GTF2E2: variants seen among roughly 807,000 people sequenced by gnomAD.
The protein encoded by GTF2E2 is transcription initiation factor IIE subunit beta.
A neutral mutation model predicts 40.5 loss-of-function variants in GTF2E2; 21 were observed. The observed-to-expected ratio is 0.52, with a 90% CI of 0.37 to 0.75. GTF2E2 has a LOEUF of 0.75. Among genes scored for constraint, GTF2E2 ranks in the 30% least tolerant of loss-of-function variants. The pLI is 0.00. For missense variants in GTF2E2, 298 were observed against 338.4 expected (o/e 0.88, Z 0.94); for synonymous variants, 117 against 121.6 (o/e 0.96, Z 0.25).
At chr8:30,609,840 G>C (rs1053622397) in intron 5 of GTF2E2, among the ~76,000 whole-genome samples, 1 of 152,048 alleles carries the variant, frequency 6.6e-6, no homozygotes, top group African/African-American at 2.4e-5. Flanking sequence ...TCATTTAAAA[G>C]TGTGTGGCAC....
At chr8:30,591,437 T>A (rs943522168) in intron 6 of GTF2E2, among the ~76,000 whole-genome samples, 1 of 152,080 alleles carries the variant, frequency 6.6e-6, no homozygotes, top group Non-Finnish European at 1.5e-5. Context: ...TGAGTTATGA[T>A]AGCATCACTG....
intron 6 of GTF2E2, among the ~76,000 whole-genome samples, chr8:30,590,896 G>A (rs1828828828): frequency 1.3e-5 from 2 of 152,022 alleles, no homozygotes; most frequent in Admixed American, 6.6e-5. Context: ...TTGCCATGTT[G>A]GCCAAGCTGG....
chr8:30,653,136 G>C (rs1203982871), intron 2 of GTF2E2, among the ~76,000 whole-genome samples: 2 of 152,140 alleles, frequency 1.3e-5, no homozygotes, highest in African/African-American at 4.8e-5. Context: ...AATAACAGCT[G>C]CAAAATTCTG....
intron 6 of GTF2E2, among the ~76,000 whole-genome samples, chr8:30,582,064 A>G (rs1828529716): frequency 6.6e-6 from 1 of 152,196 alleles, no homozygotes; most frequent in African/African-American, 2.4e-5. Flanking sequence ...CAAACTGGAA[A>G]GCAGTGGCGC....
rs188922106 is a variant in GTF2E2 at position 30,628,484 on chromosome 8, G to C, written c.258+6548C>G. The stretch of plus-strand genomic sequence containing the variant: ...TGATTAGGTTAATAAATGTGAACTC[G>C]GAGGTATAGCAATTCTTTGCATGGG... On this transcript the variant is annotated intron_variant, in intron 3 of 7. Coordinates refer to ENST00000355904, the MANE Select transcript of GTF2E2 (RefSeq NM_002095.6). Among the ~76,000 whole-genome samples, 3 of 152,276 alleles carry C rather than the reference G, an allele frequency of 2.0e-5. No homozygotes were observed. In the East Asian group the frequency reaches 5.8e-4, roughly 29 times the overall value.
intron 3 of GTF2E2, among the ~76,000 whole-genome samples, chr8:30,618,292 G>A (rs996713512): frequency 2.6e-5 from 4 of 151,648 alleles, no homozygotes; most frequent in South Asian, 2.1e-4. Context: ...CTCGGGGGGC[G>A]GGGGGGAGTT....
At chr8:30,633,267 G>A (rs574505010) in intron 3 of GTF2E2, among the ~76,000 whole-genome samples, 3 of 151,644 alleles carry the variant, frequency 2.0e-5, no homozygotes, top group Non-Finnish European at 4.4e-5. Flanking sequence ...CATAACATTT[G>A]GATAAAATTC....
rs533926333 is a variant in GTF2E2, at chr8:30,614,712, G to T, written c.262C>A (p.Arg88=). ...LAKIVNYMKT[R]HQRGDTHPLT... Reference sequence around the variant, plus strand: ...GGATGCGTATCTCCTCGCTGATGCCGTGTCTATCAAGTGAAGAAATTGTTA... The same window carrying T: ...GGATGCGTATCTCCTCGCTGATGCCTTGTCTATCAAGTGAAGAAATTGTTA... Residue 88 remains arginine (R), a synonymous_variant, in exon 4 of 8, where the codon CGG becomes AGG. Coordinates refer to ENST00000355904, the MANE Select transcript of GTF2E2 (RefSeq NM_002095.6). The T allele has an allele frequency of 1.3e-6, 2 of 1,573,376 alleles. No individual in the cohort carries two copies. Among genetic ancestry groups the T allele is most frequent in the East Asian group, 4.5e-5 (2 of 44,618 alleles).
At chr8:30,634,132 C>T (rs1363451002) in intron 3 of GTF2E2, among the ~76,000 whole-genome samples, 2 of 152,006 alleles carry the variant, frequency 1.3e-5, no homozygotes, top group Non-Finnish European at 2.9e-5. Context: ...AATGAAATCC[C>T]GCTTTAATAA....
chr8:30,608,153 C>A lies in GTF2E2; in HGVS notation c.550-1003G>T, dbSNP rs150875575. On this transcript the variant is annotated intron_variant, in intron 5 of 7. Coordinates refer to ENST00000355904, the MANE Select transcript of GTF2E2 (RefSeq NM_002095.6). ...TGAATCAAAATATGAATGCAAAAAG[C>A]CAAATAGCAGCACTCTAGACTATCT... 2.0e-5 allele frequency among the ~76,000 whole-genome samples: 3 copies of A among 152,204 alleles called. No individual in the cohort carries two copies. The East Asian group carries it at 5.8e-4, about 29-fold the overall frequency.
chr8:30,631,891 T>C (rs907476436), intron 3 of GTF2E2, among the ~76,000 whole-genome samples: 1 of 152,168 alleles, frequency 6.6e-6, no homozygotes, highest in Non-Finnish European at 1.5e-5. Context: ...AGGGATCCCC[T>C]GAGCCCAGGA....
intron 2 of GTF2E2, among the ~76,000 whole-genome samples, chr8:30,636,711 C>T (rs1282653041): frequency 1.3e-5 from 2 of 152,042 alleles, no homozygotes; most frequent in African/African-American, 4.8e-5. Flanking sequence ...ACCAAAAATA[C>T]AAAAATTAGC....
intron 3 of GTF2E2, among the ~76,000 whole-genome samples, chr8:30,631,457 T>G (rs1203418750): frequency 6.6e-6 from 1 of 152,232 alleles, no homozygotes; most frequent in African/African-American, 2.4e-5. Flanking sequence ...TTTCTAGGAC[T>G]GCCAAGTCAT....
intron 2 of GTF2E2, among the ~76,000 whole-genome samples, chr8:30,647,887 CA>C (rs1802149531): frequency 6.6e-6 from 1 of 152,040 alleles, no homozygotes; most frequent in Non-Finnish European, 1.5e-5. Context: ...TTTAGTCATC[CA>C]ACAAATATTT....
At chr8:30,657,803 T>C (rs1415129832) in intron 1 of GTF2E2, among the ~76,000 whole-genome samples, 170 bp downstream of exon 1, 1 of 152,140 alleles carries the variant, frequency 6.6e-6, no homozygotes, top group African/African-American at 2.4e-5. Context: ...CTAAAGACAA[T>C]GCTCCGGGGA....
intron 6 of GTF2E2, among the ~76,000 whole-genome samples, chr8:30,588,465 C>CGAATGAA (rs1199288740): frequency 6.6e-6 from 1 of 152,134 alleles, no homozygotes; most frequent in Non-Finnish European, 1.5e-5. Context: ...ATAAGCCAGG[C>CGAATGAA]ACCGAATGAC....
Position 30,579,026 on chromosome 8 carries a change from C to A in GTF2E2, c.771G>T (p.Gln257His). Residue 257 changes from glutamine (Q) to histidine (H), a missense_variant, in exon 8 of 8, where the codon CAG (glutamine) becomes CAT (histidine). By Grantham distance (24) the Gln-to-His change is conservative. Coordinates refer to ENST00000355904, the MANE Select transcript of GTF2E2 (RefSeq NM_002095.6). ...ESGPKKVAPI[Q>H]RRKKPASQKK... is the part of the protein sequence containing the mutation. ...TCTGTGAAGCAGGCTTTTTCCTTCT[C>A]TGAATAGGGGCCTAAAGGAAAAGGT... The A allele has an allele frequency of 6.4e-7, 1 of 1,565,588 alleles. No homozygotes were observed. Among genetic ancestry groups the A allele is most frequent in the South Asian group, 1.1e-5 (1 of 90,046 alleles).
intron 2 of GTF2E2, chr8:30,637,030 C>CA (rs1039764728): frequency 1.3e-4 from 51 of 406,446 alleles, no homozygotes; most frequent in African/African-American, 9.9e-4. Flanking sequence ...TAATCCCTCC[C>CA]AAAAAATCCA....
At chr8:30,598,386 C>T (rs1346980700) in intron 6 of GTF2E2, among the ~76,000 whole-genome samples, 2 of 152,156 alleles carry the variant, frequency 1.3e-5, no homozygotes, top group African/African-American at 2.4e-5. Flanking sequence ...CTGTATATTA[C>T]TGTATAGAAA....
Sources: allele counts gnomAD v4.1 joint callset (sites outside exome capture counted in the v4.1 genomes callset), GRCh38; gene constraint gnomAD v4.1.1; transcripts MANE v1.5; gene names NCBI Gene and HGNC (gene_info 2026-07-23, HGNC 2026-07-21).